Variants in SUPT3H observed in about 807,000 individuals in gnomAD.
The protein encoded by SUPT3H is transcription initiation protein SPT3 homolog.
SUPT3H carries 44 observed loss-of-function variants against 44.3 expected under a neutral mutation model. The observed-to-expected ratio is 0.99, with a 90% CI of 0.78 to 1.28. SUPT3H has a LOEUF of 1.28. Among genes scored for constraint, SUPT3H ranks in the 50% most tolerant of loss-of-function variants. The pLI is 0.00. For synonymous variants in SUPT3H, 124 were observed against 125.6 expected (o/e 0.99, Z 0.09); for missense variants, 380 against 387.1 (o/e 0.98, Z 0.15).
chr6:44,809,274 A>G (rs978710239), downstream of SUPT3H: 1 of 152,250 alleles, frequency 6.6e-6, no homozygotes, highest in East Asian at 1.9e-4. Flanking sequence ...TATTCCTACC[A>G]TTCCACCAAG....
intron 6 of SUPT3H, among the ~76,000 whole-genome samples, chr6:45,002,240 T>C (rs1041688431): frequency 1.3e-5 from 2 of 151,994 alleles, no homozygotes; most frequent in African/African-American, 4.8e-5. Context: ...TTTATTGACT[T>C]TAGTACCCTG....
At chr6:45,072,577 T>C (rs1162079488) in intron 3 of SUPT3H, among the ~76,000 whole-genome samples, 3 of 152,188 alleles carry the variant, frequency 2.0e-5, no homozygotes, top group African/African-American at 7.2e-5. Context: ...ATTTTTAAAG[T>C]TCTTTTAGAT....
chr6:44,971,913 C>G (rs1381739991), intron 6 of SUPT3H, among the ~76,000 whole-genome samples: 5 of 152,164 alleles, frequency 3.3e-5, no homozygotes, highest in Non-Finnish European at 7.3e-5. Context: ...GCTGGGACAA[C>G]AGGCGCCTGC....
At chr6:45,130,060 T>C (rs1803186672) in intron 2 of SUPT3H, among the ~76,000 whole-genome samples, 1 of 152,174 alleles carries the variant, frequency 6.6e-6, no homozygotes. Flanking sequence ...CCATTTAAAG[T>C]GTACAGTTTA....
chr6:45,336,067 GAA>G (rs1359533607), intron 2 of SUPT3H, among the ~76,000 whole-genome samples: 3 of 151,284 alleles, frequency 2.0e-5, no homozygotes, highest in Non-Finnish European at 4.5e-5. Flanking sequence ...TTCCACAGAA[GAA>G]ACTCCTTTTC....
intron 2 of SUPT3H, among the ~76,000 whole-genome samples, chr6:45,337,157 T>C (rs1329418392): frequency 6.6e-6 from 1 of 151,748 alleles, no homozygotes; most frequent in African/African-American, 2.4e-5. Flanking sequence ...GAACTGCCCA[T>C]ATGAACAGAA....
In SUPT3H at chr6:45,007,914, T is replaced by G. The variant is rs185270422; in HGVS notation, c.365-4122A>C. 3.2e-3 allele frequency among the ~76,000 whole-genome samples: 488 copies of G among 152,272 alleles called. 2 individuals carry two copies. Among genetic ancestry groups the G allele is most frequent in the Non-Finnish European group, 3.9e-3 (268 of 68,006 alleles). ...CTTTAGATTTGCCTATTCCAGACAT[T>G]TCATATAAATAGAATAAAATATCTG... On this transcript the variant is annotated intron_variant, in intron 5 of 10. Coordinates refer to ENST00000371459, the MANE Select transcript of SUPT3H (RefSeq NM_003599.4).
At chr6:45,097,196 T>A (rs938000807) in intron 3 of SUPT3H, among the ~76,000 whole-genome samples, 2 of 152,214 alleles carry the variant, frequency 1.3e-5, no homozygotes, top group African/African-American at 4.8e-5. Context: ...CAGAGCCCCA[T>A]CTTCTTCTCT....
intron 10 of SUPT3H, among the ~76,000 whole-genome samples, chr6:44,904,899 G>A (rs1219922434): frequency 2.0e-5 from 3 of 152,126 alleles, no homozygotes; most frequent in Non-Finnish European, 4.4e-5. Flanking sequence ...TGACAAACCT[G>A]ACAAAAACAA....
At chr6:44,947,180 T>A (rs1256427266) in intron 9 of SUPT3H, among the ~76,000 whole-genome samples, 1 of 152,212 alleles carries the variant, frequency 6.6e-6, no homozygotes, top group Non-Finnish European at 1.5e-5. Flanking sequence ...AAACATAATT[T>A]TTATATGCAC....
chr6:45,327,224 T>A (rs1053296597), intron 2 of SUPT3H, among the ~76,000 whole-genome samples: 21 of 151,942 alleles, frequency 1.4e-4, no homozygotes, highest in African/African-American at 4.8e-4. Flanking sequence ...TGGGCATTAT[T>A]CCTTACTACA....
intron 2 of SUPT3H, among the ~76,000 whole-genome samples, chr6:45,258,992 TCTAACAACTGTA>T (rs768453324): frequency 1.3e-5 from 2 of 152,166 alleles, no homozygotes; most frequent in Non-Finnish European, 2.9e-5. Flanking sequence ...ACTATGTTAC[TCTAACAACTGTA>T]CTACCAACCA....
chr6:45,123,791 C>G (rs547469584), intron 2 of SUPT3H, among the ~76,000 whole-genome samples: 1 of 152,250 alleles, frequency 6.6e-6, no homozygotes, highest in African/African-American at 2.4e-5. Context: ...TCACCAATGA[C>G]AGTCCATAGA....
chr6:45,145,406 A>G (rs1188708045), intron 2 of SUPT3H, among the ~76,000 whole-genome samples: 1 of 152,156 alleles, frequency 6.6e-6, no homozygotes, highest in Non-Finnish European at 1.5e-5. Flanking sequence ...AAACAAAAAC[A>G]TAAAGTGAGG....
chr6:44,967,492 C>T (rs1776934520), intron 6 of SUPT3H, among the ~76,000 whole-genome samples: 1 of 152,202 alleles, frequency 6.6e-6, no homozygotes, highest in African/African-American at 2.4e-5. Flanking sequence ...GTTTTTATTT[C>T]AATTAATGTG....
At chr6:45,322,983 C>T (rs1019809257) in intron 2 of SUPT3H, 52 of 1,563,676 alleles carry the variant, frequency 3.3e-5, no homozygotes, top group Non-Finnish European at 4.5e-5. Context: ...GGAGAAAAAA[C>T]TTCAAACAAT....
chr6:45,026,170 T>C (rs1464736405), intron 3 of SUPT3H, among the ~76,000 whole-genome samples: 1 of 152,188 alleles, frequency 6.6e-6, no homozygotes, highest in African/African-American at 2.4e-5. Context: ...GGCCAGATTC[T>C]AGGTTAGGCT....
At chr6:44,922,636 T>C (rs1768906971) in intron 10 of SUPT3H, among the ~76,000 whole-genome samples, 1 of 152,186 alleles carries the variant, frequency 6.6e-6, no homozygotes, top group Non-Finnish European at 1.5e-5. Flanking sequence ...ATAAATAATC[T>C]ATTTAAATAG....
intron 10 of SUPT3H, among the ~76,000 whole-genome samples, chr6:44,889,731 G>A (rs1762968370): frequency 2.0e-5 from 3 of 152,086 alleles, no homozygotes; most frequent in Admixed American, 2.0e-4. Flanking sequence ...AACACCAAAA[G>A]CAATGGCAAC....
Sources: allele counts gnomAD v4.1 joint callset (sites outside exome capture counted in the v4.1 genomes callset), GRCh38; gene constraint gnomAD v4.1.1; transcripts MANE v1.5; gene names NCBI Gene and HGNC (gene_info 2026-07-23, HGNC 2026-07-21).